NRF1: variants seen among roughly 807,000 people sequenced by gnomAD.
The protein encoded by NRF1 is nuclear respiratory factor 1.
In NRF1, 5 loss-of-function variants were observed where a neutral mutation model predicts 58.5. That is an observed-to-expected ratio of 0.09 (90% CI 0.04 to 0.18). NRF1 has a LOEUF of 0.18. Among genes scored for constraint, NRF1 ranks in the 10% least tolerant of loss-of-function variants. The probability of loss-of-function intolerance (pLI) is 1.00; values close to 1 mark genes in which losing one functional copy is unlikely to be tolerated. For missense variants in NRF1, 288 were observed against 657.7 expected (o/e 0.44, Z 6.15); for synonymous variants, 224 against 246.7 (o/e 0.91, Z 0.86).
chr7:129,619,484 GTGTGTGTA>G lies in NRF1; in HGVS notation c.-7+7662_-7+7669del, dbSNP rs1233979689. On this transcript the variant is annotated intron_variant, in intron 1 of 10. Coordinates refer to ENST00000393232, the MANE Select transcript of NRF1 (RefSeq NM_005011.5). Reference sequence around the variant, plus strand: ...CGTGTGTGTGTGTGTGTGTGTGTGTGTGTGTGTATATATATATATATATATATATGTAT... The same window carrying G: ...CGTGTGTGTGTGTGTGTGTGTGTGTGTATATATATATATATATATATGTAT... Among the ~76,000 whole-genome samples, 365 of 68,454 alleles carry G rather than the reference GTGTGTGTA, an allele frequency of 5.3e-3. 2 individuals carry two copies. The highest frequency in any genetic ancestry group is 9.5e-3 in the African/African-American group (148 of 15,554). The allele number at this position is 68,454 out of a possible 152,430, so 44.9% of individuals were successfully genotyped here.
chr7:129,671,879 ATGTCAGC>A (rs1271529283), intron 3 of NRF1, among the ~76,000 whole-genome samples: 1 of 152,210 alleles, frequency 6.6e-6, no homozygotes, highest in East Asian at 1.9e-4. Context: ...AATATGCAAT[ATGTCAGC>A]TGATGATAAG....
intron 4 of NRF1, among the ~76,000 whole-genome samples, chr7:129,689,367 A>G (rs973048674): frequency 6.6e-6 from 1 of 152,168 alleles, no homozygotes; most frequent in South Asian, 2.1e-4. Context: ...CTTCTAGTCA[A>G]ACCTCATTTT....
At chr7:129,612,113 G>A (rs1271686918) in intron 1 of NRF1, among the ~76,000 whole-genome samples, 2 of 150,430 alleles carry the variant, frequency 1.3e-5, no homozygotes, top group Non-Finnish European at 3.0e-5. Context: ...CTCCTCCGCC[G>A]CCTGGGGCTC....
chr7:129,613,378 C>T lies in NRF1; in HGVS notation c.-7+1554C>T, dbSNP rs1361512037. Among the ~76,000 whole-genome samples the T allele has an allele frequency of 2.0e-5, 3 of 152,104 alleles. No individual in the cohort carries two copies. In the South Asian group the frequency reaches 6.2e-4, roughly 32 times the overall value. ...GTTCTTGACAGGTTACCCCGTAAGA[C>T]AGTGAAAATATGACTAGTTCTCTCC... On this transcript the variant is annotated intron_variant, in intron 1 of 10. Transcript: ENST00000393232.
chr7:129,620,388 CTTTTT>C (rs10714338), intron 1 of NRF1, among the ~76,000 whole-genome samples: 1 of 132,570 alleles, frequency 7.5e-6, no homozygotes. Flanking sequence ...AATCAAATCA[CTTTTT>C]TTTTTTTTTT....
intron 5 of NRF1, among the ~76,000 whole-genome samples, chr7:129,692,529 G>T (rs1056103486): frequency 2.0e-5 from 3 of 152,124 alleles, no homozygotes; most frequent in African/African-American, 4.8e-5. Context: ...CTCCAGCCTA[G>T]GTGACAGAGC....
chr7:129,619,393 CGT>C (rs56014058), intron 1 of NRF1, among the ~76,000 whole-genome samples: 1,944 of 41,692 alleles, frequency 0.047, 26 homozygotes, highest in East Asian at 0.12. Flanking sequence ...ACTTGGCATA[CGT>C]GTATATATAT....
At chr7:129,754,842 GA>G (rs1245267363) in intron 10 of NRF1, among the ~76,000 whole-genome samples, 175 bp from the exon 11 acceptor site, 2 of 152,068 alleles carry the variant, frequency 1.3e-5, no homozygotes, top group East Asian at 3.8e-4. Flanking sequence ...AAAAATTAAT[GA>G]AAAAAATTTT....
chr7:129,663,400 T>C (rs1257540416), intron 2 of NRF1, among the ~76,000 whole-genome samples: 2 of 138,394 alleles, frequency 1.4e-5, no homozygotes, highest in South Asian at 2.3e-4. Context: ...GAGGCGCTCC[T>C]CACCTCCCAG....
At chr7:129,672,069 A>C (rs377005778) in intron 3 of NRF1, among the ~76,000 whole-genome samples, 6 of 152,270 alleles carry the variant, frequency 3.9e-5, no homozygotes, top group East Asian at 1.9e-4. Context: ...GCTGGGGGGA[A>C]GAACATCTCA....
chr7:129,755,014 C>G lies in NRF1; in HGVS notation c.1349-4C>G. The G allele has an allele frequency of 6.2e-7, 1 of 1,603,394 alleles. No homozygotes were observed. Among genetic ancestry groups the G allele is most frequent in the Non-Finnish European group, 8.5e-7 (1 of 1,175,628 alleles). On this transcript the variant is annotated splice_polypyrimidine_tract_variant and splice_region_variant and intron_variant, in intron 10 of 10. Transcript: ENST00000393232. The surrounding 1 kb of genome is among the most constrained non-coding windows in gnomAD (Gnocchi z 5.8). ...CACCAACGGTCTTCTCTTTGTCTCT[C>G]CAGGCCTGGTCCAGATCCCTGTGAG...
At chr7:129,668,291 T>C (rs1801967217) in intron 2 of NRF1, among the ~76,000 whole-genome samples, 2 of 152,224 alleles carry the variant, frequency 1.3e-5, no homozygotes, top group African/African-American at 4.8e-5. Flanking sequence ...TTAATGACTA[T>C]AGTTATGCTC....
intron 5 of NRF1, among the ~76,000 whole-genome samples, chr7:129,693,068 T>A (rs1241450070): frequency 6.6e-6 from 1 of 152,214 alleles, no homozygotes. Flanking sequence ...AGGAATTTAG[T>A]TTCTGTCCTT....
intron 3 of NRF1, among the ~76,000 whole-genome samples, chr7:129,676,709 C>A (rs1045384101): frequency 4.6e-5 from 7 of 152,114 alleles, no homozygotes; most frequent in African/African-American, 7.2e-5. Flanking sequence ...CACAGAGACA[C>A]GAAGTGAGCA....
At chr7:129,658,563 C>T (rs866098588) in intron 2 of NRF1, among the ~76,000 whole-genome samples, 24 of 144,626 alleles carry the variant, frequency 1.7e-4, no homozygotes, top group African/African-American at 5.7e-4. Flanking sequence ...TGCACTACAG[C>T]GTGAGTGACA....
intron 4 of NRF1, among the ~76,000 whole-genome samples, chr7:129,678,300 T>C (rs1406714562): frequency 2.0e-5 from 3 of 152,214 alleles, no homozygotes; most frequent in Admixed American, 6.5e-5. Flanking sequence ...TGCATACTTA[T>C]ACAATAGGAA....
chr7:129,697,562 T>C (rs1802729354), intron 5 of NRF1, among the ~76,000 whole-genome samples: 1 of 151,136 alleles, frequency 6.6e-6, no homozygotes, highest in Non-Finnish European at 1.5e-5. Context: ...AAAAAAAAAA[T>C]TGAGGCATAA....
chr7:129,620,913 G>A (rs1007165751), intron 1 of NRF1, among the ~76,000 whole-genome samples: 5 of 152,196 alleles, frequency 3.3e-5, no homozygotes, highest in Non-Finnish European at 5.9e-5. Flanking sequence ...TTCTGACCAT[G>A]AAATGAAAAT....
intron 10 of NRF1, among the ~76,000 whole-genome samples, chr7:129,747,581 A>C (rs949612940): frequency 6.6e-5 from 10 of 152,212 alleles, no homozygotes; most frequent in Non-Finnish European, 1.3e-4. Flanking sequence ...AAGCACTGTA[A>C]TAGATTTTAA....
Sources: gnomAD v4.1 joint callset for allele counts (sites outside exome capture counted in the v4.1 genomes callset) on GRCh38, gnomAD v4.1.1 for gene constraint, Gnocchi (gnomAD v3.1) non-coding constraint, MANE v1.5 for transcripts, NCBI Gene and HGNC (gene_info 2026-07-23, HGNC 2026-07-21) for gene names.